The following USP32 variants were observed in gnomAD, a reference collection of about 807,000 sequenced individuals.
The protein encoded by USP32 is ubiquitin specific peptidase 32.
USP32 carries 59 observed loss-of-function variants against 204.8 expected under a neutral mutation model. The ratio of observed to expected loss-of-function variants is 0.29; its 90% CI spans 0.23 to 0.36. The LOEUF is 0.36. Among genes scored for constraint, USP32 ranks in the 10% least tolerant of loss-of-function variants. The pLI, the probability that USP32 is intolerant of heterozygous loss-of-function variation, is 1.00. For missense variants in USP32, 1,160 were observed against 1,946.4 expected (o/e 0.60, Z 7.60); for synonymous variants, 517 against 678.4 (o/e 0.76, Z 3.70).
At chr17:60,412,726 T>G (rs1025774831) in intron 1 of USP32, among the ~76,000 whole-genome samples, 9 of 152,032 alleles carry the variant, frequency 5.9e-5, no homozygotes, top group Admixed American at 2.6e-4. Context: ...GTGAGTCCTT[T>G]GGGGAGAAAT....
chr17:60,413,626 G>A (rs930108030), intron 1 of USP32, among the ~76,000 whole-genome samples: 6 of 152,088 alleles, frequency 3.9e-5, no homozygotes, highest in African/African-American at 1.4e-4. Context: ...AGCACTTTGG[G>A]AGGCCAAGGT....
intron 2 of USP32, among the ~76,000 whole-genome samples, chr17:60,330,735 T>C (rs1171864300): frequency 6.6e-6 from 1 of 152,122 alleles, no homozygotes; most frequent in Non-Finnish European, 1.5e-5. Flanking sequence ...TTTGTAGAGA[T>C]GGGGTCTCGC....
At chr17:60,227,454 G>C (rs1758083514) in intron 12 of USP32, among the ~76,000 whole-genome samples, 1 of 151,886 alleles carries the variant, frequency 6.6e-6, no homozygotes, top group African/African-American at 2.4e-5. Flanking sequence ...AGTTTTCATA[G>C]AGATAGGGTT....
chr17:60,211,906 G>T (rs1277727231), intron 19 of USP32, 118 bp downstream of exon 19: 1 of 780,912 alleles, frequency 1.3e-6, no homozygotes, highest in East Asian at 3.0e-5. Flanking sequence ...AAAAGAAGAA[G>T]GCCCTAATTA....
intron 7 of USP32, 73 bp from the exon 8 acceptor site, chr17:60,266,164 G>T: frequency 8.3e-7 from 1 of 1,204,786 alleles, no homozygotes; most frequent in Non-Finnish European, 1.2e-6. Flanking sequence ...ACTAGAAGTT[G>T]CCCTTGTATA....
At chr17:60,419,853 TA>T (rs1266611451) in intron 1 of USP32, among the ~76,000 whole-genome samples, 20 of 139,870 alleles carry the variant, frequency 1.4e-4, no homozygotes, top group Admixed American at 2.8e-4. Flanking sequence ...TTATTATTAT[TA>T]TTATTATTTT....
At chr17:60,200,449 A>G (rs1252718530) in intron 26 of USP32, among the ~76,000 whole-genome samples, 2 of 151,478 alleles carry the variant, frequency 1.3e-5, no homozygotes, top group African/African-American at 4.9e-5. Flanking sequence ...AATCCCAGCT[A>G]CTCAGGAGGC....
chr17:60,354,653 C>T (rs2089026707), intron 1 of USP32, among the ~76,000 whole-genome samples: 1 of 152,096 alleles, frequency 6.6e-6, no homozygotes, highest in African/African-American at 2.4e-5. Context: ...ATGATAAAAC[C>T]CAGATGGGAC....
intron 5 of USP32, 80 bp from the exon 6 acceptor site, chr17:60,271,561 C>G: frequency 4.5e-6 from 6 of 1,345,920 alleles, no homozygotes; most frequent in Non-Finnish European, 6.0e-6. Context: ...AATATATCTT[C>G]CACAGATATA....
At chr17:60,264,539 A>G (rs949392859) in intron 9 of USP32, among the ~76,000 whole-genome samples, 1 of 151,536 alleles carries the variant, frequency 6.6e-6, no homozygotes, top group Admixed American at 6.6e-5. Flanking sequence ...GACAAAAAAA[A>G]AAACAAAAGA....
At chr17:60,215,354 C>T (rs1382296600) in intron 16 of USP32, among the ~76,000 whole-genome samples, 2 of 151,748 alleles carry the variant, frequency 1.3e-5, no homozygotes, top group Non-Finnish European at 2.9e-5. Flanking sequence ...AAATTATTGG[C>T]AATATTTGGA....
chr17:60,246,227 C>T (rs1598134608), intron 11 of USP32, among the ~76,000 whole-genome samples: 2 of 152,172 alleles, frequency 1.3e-5, no homozygotes, highest in Admixed American at 6.5e-5. Context: ...TCTAATTCCA[C>T]GAGATCAACT....
At chr17:60,407,091 A>G (rs1315191175) in intron 1 of USP32, among the ~76,000 whole-genome samples, 2 of 152,196 alleles carry the variant, frequency 1.3e-5, no homozygotes, top group Admixed American at 6.6e-5. Context: ...TGATTTTCCT[A>G]GCTTTTTGCC....
rs557776063 is a variant in USP32, at chr17:60,337,949, ATGT to A, written c.186+7529_186+7531del. ...AGTGAATGGGCCATTATCTAATAAAATGTTGTGCTATGTACTACAGATTCAGGC... is the reference window on the plus strand; with the variant it reads ...AGTGAATGGGCCATTATCTAATAAAATGTGCTATGTACTACAGATTCAGGC... On this transcript the variant is annotated intron_variant, in intron 2 of 33. Transcript: ENST00000300896. Among the ~76,000 whole-genome samples, 7 of 152,330 alleles carry A rather than the reference ATGT, an allele frequency of 4.6e-5. No individual in the cohort carries two copies. In the South Asian group the frequency reaches 1.5e-3, roughly 32 times the overall value.
chr17:60,409,744 C>T (rs778328373), intron 1 of USP32, among the ~76,000 whole-genome samples: 4 of 152,098 alleles, frequency 2.6e-5, no homozygotes, highest in Non-Finnish European at 5.9e-5. Context: ...GAGGGGTGTC[C>T]AATCTTTTGG....
At chr17:60,251,431 A>C (rs2086164669) in intron 11 of USP32, among the ~76,000 whole-genome samples, 1 of 152,218 alleles carries the variant, frequency 6.6e-6, no homozygotes, top group Non-Finnish European at 1.5e-5. Context: ...AAACAACTCT[A>C]TTTTAGTAAA....
At chr17:60,377,734 G>A (rs750435828) in intron 1 of USP32, among the ~76,000 whole-genome samples, 6 of 152,100 alleles carry the variant, frequency 3.9e-5, no homozygotes, top group Non-Finnish European at 8.8e-5. Flanking sequence ...TTATCCACAG[G>A]CTGTGTGAAT....
At chr17:60,294,121 G>C (rs1344886124) in intron 4 of USP32, among the ~76,000 whole-genome samples, 2 of 152,142 alleles carry the variant, frequency 1.3e-5, no homozygotes, top group Admixed American at 6.5e-5. Flanking sequence ...GTCCAGGCTG[G>C]TCTTGAACTC....
chr17:60,253,931 A>G (rs1257382577), intron 10 of USP32, among the ~76,000 whole-genome samples: 2 of 152,198 alleles, frequency 1.3e-5, no homozygotes, highest in Non-Finnish European at 2.9e-5. Flanking sequence ...AAAGCAAATA[A>G]TTGATTTACA....
Sources: gnomAD v4.1 joint callset for allele counts (sites outside exome capture counted in the v4.1 genomes callset) on GRCh38, gnomAD v4.1.1 for gene constraint, MANE v1.5 for transcripts, NCBI Gene and HGNC (gene_info 2026-07-23, HGNC 2026-07-21) for gene names.